The following ADAM32 variants were observed in gnomAD, a reference collection of about 807,000 sequenced individuals.
ADAM32 encodes disintegrin and metalloproteinase domain-containing protein 32.
ADAM32 carries 89 observed loss-of-function variants against 114.9 expected under a neutral mutation model. That is an observed-to-expected ratio of 0.77 (90% CI 0.65 to 0.92). The LOEUF (loss-of-function observed/expected upper bound fraction) is 0.92. Among genes scored for constraint, ADAM32 ranks in the 40% least tolerant of loss-of-function variants. ADAM32 has a pLI of 0.00. For synonymous variants in ADAM32, 285 were observed against 307.5 expected, an observed-to-expected ratio of 0.93 and a Z score of 0.77; for missense variants, 870 against 932.8, an observed-to-expected ratio of 0.93 and a Z score of 0.88.
In ADAM32 at chr8:39,246,112, A is replaced by G; in HGVS notation, c.1848A>G (p.Ser616=). ...RVCVNRECVE[S]RIIKASAHVC... ...GTGTAAATCGTGAATGTGTAGAATC[A>G]AGGATAATTAAGGCTTCAGCACATG... Residue 616 remains serine, a synonymous_variant, in exon 17 of 25, where the codon TCA becomes TCG. Coordinates refer to ENST00000379907, the MANE Select transcript of ADAM32 (RefSeq NM_145004.7). 1 of 1,613,512 alleles carries G rather than the reference A, an allele frequency of 6.2e-7. No individual in the cohort carries two copies. The highest frequency in any genetic ancestry group is 8.5e-7 in the Non-Finnish European group (1 of 1,179,622).
At chr8:39,194,312 C>T (rs1409206030) in intron 11 of ADAM32, among the ~76,000 whole-genome samples, 3 of 152,092 alleles carry the variant, frequency 2.0e-5, no homozygotes, top group Non-Finnish European at 4.4e-5. Context: ...GGGTGGGGCT[C>T]ATGGGCTCTG....
intron 3 of ADAM32, among the ~76,000 whole-genome samples, chr8:39,141,964 T>C (rs1803188365): frequency 6.6e-6 from 1 of 152,226 alleles, no homozygotes; most frequent in African/African-American, 2.4e-5. Context: ...TTGTCTCTTT[T>C]GATGTTTGTT....
chr8:39,208,988 C>T (rs777021009), intron 11 of ADAM32, among the ~76,000 whole-genome samples: 37 of 152,108 alleles, frequency 2.4e-4, no homozygotes, highest in Admixed American at 1.8e-3. Flanking sequence ...CCCCCTTTCT[C>T]TTCCTCTACT....
At chr8:39,254,327 A>C in intron 17 of ADAM32, 87 bp from the exon 18 acceptor site, 1 of 1,111,560 alleles carries the variant, frequency 9.0e-7, no homozygotes, top group Non-Finnish European at 1.3e-6. Flanking sequence ...AAATTACACT[A>C]GATTATGGTA....
At chr8:39,110,071 T>G (rs1467340437) in intron 1 of ADAM32, among the ~76,000 whole-genome samples, 1 of 152,132 alleles carries the variant, frequency 6.6e-6, no homozygotes, top group Admixed American at 6.5e-5. Context: ...CTTATTTACT[T>G]ACTTAATTGT....
chr8:39,140,779 G>A (rs553077697), intron 3 of ADAM32, among the ~76,000 whole-genome samples: 81 of 152,246 alleles, frequency 5.3e-4, no homozygotes, highest in Middle Eastern at 3.4e-3. Context: ...AATCTGTCTG[G>A]TCCTGGACTT....
chr8:39,197,637 T>C (rs1807098689), intron 11 of ADAM32, among the ~76,000 whole-genome samples: 1 of 152,190 alleles, frequency 6.6e-6, no homozygotes, highest in Non-Finnish European at 1.5e-5. Flanking sequence ...AAATTCCTAT[T>C]ATTATTGATT....
At chr8:39,276,707 AT>A (rs1217318188) in intron 22 of ADAM32, among the ~76,000 whole-genome samples, 3 of 151,752 alleles carry the variant, frequency 2.0e-5, no homozygotes. Flanking sequence ...CTGCCTCATT[AT>A]TTTTTTCCTT....
chr8:39,163,584 A>G (rs184813552), intron 7 of ADAM32, among the ~76,000 whole-genome samples: 35 of 152,360 alleles, frequency 2.3e-4, no homozygotes, highest in Non-Finnish European at 4.7e-4. Flanking sequence ...TTGAATTAGA[A>G]GAACTTGATT....
chr8:39,179,454 T>G (rs1805716705), intron 10 of ADAM32, among the ~76,000 whole-genome samples: 1 of 152,164 alleles, frequency 6.6e-6, no homozygotes. Flanking sequence ...TGAATGGATC[T>G]CCCGCCTGGC....
At chr8:39,191,637 T>C (rs546684434) in intron 11 of ADAM32, among the ~76,000 whole-genome samples, 5 of 152,332 alleles carry the variant, frequency 3.3e-5, no homozygotes, top group South Asian at 2.1e-4. Context: ...TCCTTATAGA[T>C]GCTGGATATT....
chr8:39,195,208 C>A (rs1199697436), intron 11 of ADAM32, among the ~76,000 whole-genome samples: 1 of 152,178 alleles, frequency 6.6e-6, no homozygotes, highest in Non-Finnish European at 1.5e-5. Context: ...ATGTCCCAGT[C>A]CCTCAGTGGC....
At chr8:39,195,362 A>G (rs1806911324) in intron 11 of ADAM32, among the ~76,000 whole-genome samples, 1 of 152,028 alleles carries the variant, frequency 6.6e-6, no homozygotes. Context: ...GTTTGCAAAT[A>G]TTTTCTTTTA....
intron 16 of ADAM32, among the ~76,000 whole-genome samples, chr8:39,242,974 A>T (rs755020562): frequency 1.3e-5 from 2 of 152,184 alleles, no homozygotes; most frequent in Non-Finnish European, 2.9e-5. Context: ...GCATAGAAAC[A>T]CAAAAGATCA....
At chr8:39,175,173 A>T (rs1585459494) in intron 10 of ADAM32, among the ~76,000 whole-genome samples, 3 of 143,952 alleles carry the variant, frequency 2.1e-5, no homozygotes. Context: ...AATTCCCTTT[A>T]TTTTTTTATT....
intron 2 of ADAM32, chr8:39,129,783 A>C (rs1802330467): frequency 3.8e-6 from 1 of 260,448 alleles, no homozygotes; most frequent in East Asian, 9.4e-5. Flanking sequence ...TCATCATTGA[A>C]TTCATCTGCA....
At chr8:39,204,530 G>A (rs989965839) in intron 11 of ADAM32, among the ~76,000 whole-genome samples, 11 of 152,122 alleles carry the variant, frequency 7.2e-5, no homozygotes, top group African/African-American at 1.4e-4. Context: ...TTAGCCATTC[G>A]TCTAATATTT....
intron 14 of ADAM32, chr8:39,224,027 T>G (rs1220024309): frequency 6.6e-6 from 1 of 152,208 alleles, no homozygotes; most frequent in Non-Finnish European, 1.5e-5. Context: ...TGTGTATATG[T>G]ATATATCTAT....
At chr8:39,254,303 GCTCTAAATAAACAAAATTA>G in intron 17 of ADAM32, 92 bp from the exon 18 acceptor site, 7 of 797,258 alleles carry the variant, frequency 8.8e-6, no homozygotes, top group Non-Finnish European at 1.3e-5. Context: ...TGAGACTGTC[GCTCTAAATAAACAAAATTA>G]CACTAGATTA....
Sources: allele counts gnomAD v4.1 joint callset (sites outside exome capture counted in the v4.1 genomes callset), GRCh38; gene constraint gnomAD v4.1.1; transcripts MANE v1.5; gene names NCBI Gene and HGNC (gene_info 2026-07-23, HGNC 2026-07-21).